Variants in SLC9A8 observed in about 807,000 individuals in gnomAD.
SLC9A8 encodes sodium/hydrogen exchanger 8.
A neutral mutation model predicts 66.6 loss-of-function variants in SLC9A8; 48 were observed. The observed-to-expected ratio is 0.72, with a 90% CI of 0.57 to 0.92. The LOEUF (loss-of-function observed/expected upper bound fraction) is 0.92, where lower values mean the gene tolerates loss of function less well. Among genes scored for constraint, SLC9A8 ranks in the 40% least tolerant of loss-of-function variants. The probability of loss-of-function intolerance (pLI) is 0.00; values close to 1 mark genes in which losing one functional copy is unlikely to be tolerated. For synonymous variants in SLC9A8, 274 were observed against 282.6 expected, an observed-to-expected ratio of 0.97 and a Z score of 0.31; for missense variants, 599 against 747.3, an observed-to-expected ratio of 0.80 and a Z score of 2.31.
chr20:49,874,662 G>A lies in SLC9A8; in HGVS notation c.959-43G>A, dbSNP rs1376111515. 8 of 1,218,372 alleles carry A rather than the reference G, an allele frequency of 6.6e-6. No individual in the cohort carries two copies. The Admixed American group carries it at 1.3e-4, about 20-fold the overall frequency. The allele number at this position is 1,218,372 out of a possible 1,614,324, so 75.5% of individuals were successfully genotyped here. Reference sequence around the variant, plus strand: ...CAGGCATTGTGAGATCTGAGTTGGGGATCACACGGCAGTGCTTTCTGTTCT... The same window carrying A: ...CAGGCATTGTGAGATCTGAGTTGGGAATCACACGGCAGTGCTTTCTGTTCT... On this transcript the variant is annotated intron_variant, in intron 10 of 15. Transcript: ENST00000361573.
At chr20:49,874,604 A>G in intron 10 of SLC9A8, 101 bp from the exon 11 acceptor site, 1 of 760,120 alleles carries the variant, frequency 1.3e-6, no homozygotes, top group Non-Finnish European at 2.3e-6. Flanking sequence ...CCTTTTTCTT[A>G]AACCCTCTAA....
chr20:49,835,780 G>T (rs1392241279), intron 3 of SLC9A8, among the ~76,000 whole-genome samples: 1 of 145,172 alleles, frequency 6.9e-6, no homozygotes, highest in Non-Finnish European at 1.5e-5. Context: ...CCGCCTCCTG[G>T]GTTCAAGCGA....
chr20:49,837,141 CTG>C (rs1403483661), intron 3 of SLC9A8, among the ~76,000 whole-genome samples: 19 of 152,300 alleles, frequency 1.2e-4, no homozygotes, highest in African/African-American at 4.6e-4. Flanking sequence ...AAGAATGAAA[CTG>C]TTTGTCTCTT....
At chr20:49,884,337 C>CA (rs1555848454) in intron 14 of SLC9A8, among the ~76,000 whole-genome samples, 5,622 of 71,756 alleles carry the variant, frequency 0.078, 1,915 homozygotes, top group African/African-American at 0.13. Context: ...CACACACACA[C>CA]CCCCCGGTCA....
chr20:49,836,547 C>A (rs987267359), intron 3 of SLC9A8, among the ~76,000 whole-genome samples: 1 of 152,086 alleles, frequency 6.6e-6, no homozygotes. Context: ...TCAGGCTGGT[C>A]TTGAACTGAC....
chr20:49,857,114 A>C (rs1295609572), intron 8 of SLC9A8, among the ~76,000 whole-genome samples: 2 of 152,208 alleles, frequency 1.3e-5, no homozygotes, highest in Admixed American at 6.5e-5. Context: ...GATGTTTGAG[A>C]CCAGTCTGGA....
intron 12 of SLC9A8, among the ~76,000 whole-genome samples, chr20:49,879,224 G>A (rs6020101): frequency 0.43 from 64,774 of 151,972 alleles, 14,626 homozygotes; most frequent in African/African-American, 0.56. Flanking sequence ...GTTAGGCCCA[G>A]GCTGGCCCTG....
At chr20:49,876,071 T>C (rs2089417132) in intron 11 of SLC9A8, among the ~76,000 whole-genome samples, 1 of 152,124 alleles carries the variant, frequency 6.6e-6, no homozygotes, top group South Asian at 2.1e-4. Context: ...ACTTCCACAC[T>C]GTTAGCGTGC....
chr20:49,855,444 G>A lies in SLC9A8; in HGVS notation c.576G>A (p.Ala192=), dbSNP rs745411276. 18 of 1,613,844 alleles carry A rather than the reference G, an allele frequency of 1.1e-5. No individual in the cohort carries two copies. Among genetic ancestry groups the A allele is most frequent in the South Asian group, 2.2e-5 (2 of 91,080 alleles). The part of the protein sequence containing the change: ...ISKLNMTDSF[A]FGSLISAVDP... ...TTCCCTCTGTCTCTTACAGTTTTGC[G>A]TTTGGCTCCCTAATATCTGCTGTCG... The change falls in exon 8 of 16, where the codon GCG becomes GCA. Residue 192 remains alanine, a synonymous_variant. Transcript: ENST00000361573.
chr20:49,868,912 T>G (rs774969345), intron 10 of SLC9A8, among the ~76,000 whole-genome samples: 1 of 152,234 alleles, frequency 6.6e-6, no homozygotes, highest in Non-Finnish European at 1.5e-5. Context: ...TGTCCTGGTA[T>G]CCACAGCAAA....
At chr20:49,876,625 T>A (rs1202539435) in intron 11 of SLC9A8, among the ~76,000 whole-genome samples, 1 of 152,214 alleles carries the variant, frequency 6.6e-6, no homozygotes, top group Non-Finnish European at 1.5e-5. Context: ...ACTGTCAAAT[T>A]TCTCTGCAAA....
chr20:49,822,926 T>C, intron 2 of SLC9A8, 135 bp from the exon 3 acceptor site: 1 of 686,398 alleles, frequency 1.5e-6, no homozygotes, highest in Non-Finnish European at 2.6e-6. Flanking sequence ...AAAACACCGC[T>C]GAAGTTCACT....
chr20:49,834,396 A>AG (rs2146533580), intron 3 of SLC9A8, among the ~76,000 whole-genome samples: 1 of 72,850 alleles, frequency 1.4e-5, no homozygotes, highest in Admixed American at 1.4e-4. Flanking sequence ...GTGTATATAT[A>AG]TATACTGTGT....
Position 49,886,026 on chromosome 20 carries a change from G to C in SLC9A8, c.1492-726G>C, listed in dbSNP as rs2089878200. ...CCCAGGTAGATTCTAATACAGACCA[G>C]TGTTTGACAACCACTGCTTCACAGC... On this transcript the variant is annotated intron_variant, in intron 14 of 15. Coordinates refer to ENST00000361573, the MANE Select transcript of SLC9A8 (RefSeq NM_015266.3). This position sits in a 1 kb window ranked among gnomAD's most constrained non-coding sequence, Gnocchi z 4.8. Among the ~76,000 whole-genome samples the C allele has an allele frequency of 6.6e-6, 1 of 152,160 alleles. No individual in the cohort carries two copies. Among genetic ancestry groups the C allele is most frequent in the Non-Finnish European group, 1.5e-5 (1 of 68,018 alleles).
At position 49,886,918 on chromosome 20, in the gene SLC9A8, A is replaced by G. The variant is rs780923612; in HGVS notation, c.1638+20A>G. ...CAGGAGGTGGGATACCGGCCAGGCC[A>G]CACTTTCTGGGGGTCCCTTGCCTGC... On this transcript the variant is annotated intron_variant, in intron 15 of 15. Coordinates refer to ENST00000361573, the MANE Select transcript of SLC9A8 (RefSeq NM_015266.3). This position sits in a 1 kb window ranked among gnomAD's most constrained non-coding sequence, Gnocchi z 4.8. The G allele has an allele frequency of 1.2e-5, 20 of 1,607,968 alleles. No homozygotes were observed. The South Asian group carries it at 2.1e-4, about 17-fold the overall frequency.
chr20:49,870,963 G>A (rs1483591767), intron 10 of SLC9A8, among the ~76,000 whole-genome samples: 1 of 152,186 alleles, frequency 6.6e-6, no homozygotes, highest in Non-Finnish European at 1.5e-5. Context: ...GCCTCCCAAA[G>A]TCCTGGGATT....
At chr20:49,873,976 G>A (rs2089320299) in intron 10 of SLC9A8, among the ~76,000 whole-genome samples, 1 of 151,648 alleles carries the variant, frequency 6.6e-6, no homozygotes, top group Admixed American at 6.6e-5. Flanking sequence ...TTGGCCAGGT[G>A]CAGTGGCTCA....
intron 8 of SLC9A8, among the ~76,000 whole-genome samples, chr20:49,857,471 A>T (rs747086207): frequency 6.6e-6 from 1 of 152,152 alleles, no homozygotes; most frequent in Non-Finnish European, 1.5e-5. Flanking sequence ...TAATCCCATC[A>T]CTTTGGGAGG....
chr20:49,884,229 CA>C (rs1385134742), intron 14 of SLC9A8, 163 bp downstream of exon 14: 14 of 222,640 alleles, frequency 6.3e-5, no homozygotes, highest in Non-Finnish European at 9.9e-5. Flanking sequence ...CACACACACA[CA>C]CACACACACA....
Sources: gnomAD v4.1 joint callset for allele counts (sites outside exome capture counted in the v4.1 genomes callset) on GRCh38, gnomAD v4.1.1 for gene constraint, Gnocchi (gnomAD v3.1) non-coding constraint, MANE v1.5 for transcripts, NCBI Gene and HGNC (gene_info 2026-07-23, HGNC 2026-07-21) for gene names.